EPHA6: variants seen among roughly 807,000 people sequenced by gnomAD.
EPHA6 encodes the protein ephrin type-A receptor 6.
In EPHA6, 50 loss-of-function variants were observed where a neutral mutation model predicts 112.0. That is an observed-to-expected ratio of 0.45 (90% CI 0.36 to 0.56). EPHA6 has a LOEUF of 0.56. Among genes scored for constraint, EPHA6 ranks in the 20% least tolerant of loss-of-function variants. EPHA6 has a pLI of 0.00. For missense variants in EPHA6, 1,280 were observed against 1,417.4 expected, an observed-to-expected ratio of 0.90 and a Z score of 1.56; for synonymous variants, 529 against 490.7, an observed-to-expected ratio of 1.08 and a Z score of -1.03.
intron 2 of EPHA6, among the ~76,000 whole-genome samples, chr3:96,878,510 G>A (rs2037112200): frequency 6.6e-6 from 1 of 151,996 alleles, no homozygotes. Flanking sequence ...TACTGTAATT[G>A]AATGCAGATA....
intron 3 of EPHA6, among the ~76,000 whole-genome samples, chr3:97,188,985 A>G (rs2077229288): frequency 6.6e-6 from 1 of 151,786 alleles, no homozygotes; most frequent in African/African-American, 2.4e-5. Flanking sequence ...CTATTATTAT[A>G]TTTTATAATT....
intron 12 of EPHA6, among the ~76,000 whole-genome samples, chr3:97,597,423 C>T (rs2093604087): frequency 2.0e-5 from 3 of 152,118 alleles, no homozygotes; most frequent in Admixed American, 2.0e-4. Context: ...TTTGCGATTA[C>T]TGAGTATATA....
intron 3 of EPHA6, among the ~76,000 whole-genome samples, chr3:97,033,780 G>T (rs114641025): frequency 1.3e-5 from 2 of 151,854 alleles, no homozygotes; most frequent in Non-Finnish European, 2.9e-5. Flanking sequence ...TTTGATAAGA[G>T]CCCCAAATTA....
At chr3:97,686,080 C>T (rs546662497) in intron 14 of EPHA6, among the ~76,000 whole-genome samples, 2 of 152,160 alleles carry the variant, frequency 1.3e-5, no homozygotes, top group Admixed American at 1.3e-4. Context: ...CTTAAACTCT[C>T]ATTCATTATA....
chr3:97,069,753 T>A (rs978577810), intron 3 of EPHA6, among the ~76,000 whole-genome samples: 1 of 152,160 alleles, frequency 6.6e-6, no homozygotes, highest in African/African-American at 2.4e-5. Flanking sequence ...TTAATAAATA[T>A]GCTTATATTA....
intron 2 of EPHA6, among the ~76,000 whole-genome samples, chr3:96,924,122 T>A (rs765793936): frequency 6.6e-6 from 1 of 152,184 alleles, no homozygotes; most frequent in Non-Finnish European, 1.5e-5. Flanking sequence ...GTTTGGCCAT[T>A]TGGGCTCTTT....
chr3:97,514,056 A>G (rs902833204), intron 10 of EPHA6, among the ~76,000 whole-genome samples: 10 of 152,218 alleles, frequency 6.6e-5, no homozygotes, highest in African/African-American at 2.4e-4. Flanking sequence ...TATGCCATCC[A>G]TGAATTACCA....
chr3:97,347,658 A>G (rs2083598930), intron 5 of EPHA6, among the ~76,000 whole-genome samples: 1 of 152,090 alleles, frequency 6.6e-6, no homozygotes, highest in Admixed American at 6.6e-5. Context: ...CTAATAGATA[A>G]AAGAGCCATA....
intron 5 of EPHA6, among the ~76,000 whole-genome samples, chr3:97,245,759 C>G (rs1474341603): frequency 6.6e-6 from 1 of 151,616 alleles, no homozygotes; most frequent in Non-Finnish European, 1.5e-5. Context: ...GGAGGGAGGA[C>G]TGTGATGATA....
At position 97,510,619 on chromosome 3, in the gene EPHA6, G is replaced by A. The variant is rs111460773; in HGVS notation, c.2201-21739G>A. ...TGGAGCTCTGTTATATGGGGTGTCT[G>A]TTGACACCTCCTGGGAGGTGTATCC... On this transcript the variant is annotated intron_variant, in intron 10 of 17. Transcript: ENST00000389672. Among the ~76,000 whole-genome samples the A allele has an allele frequency of 5.0e-3, 756 of 152,272 alleles. 6 individuals are homozygous for A. The highest frequency in any genetic ancestry group is 0.017 in the African/African-American group (724 of 41,570).
intron 2 of EPHA6, among the ~76,000 whole-genome samples, chr3:96,896,727 G>A (rs2038288741): frequency 1.3e-5 from 2 of 152,116 alleles, no homozygotes; most frequent in Admixed American, 6.5e-5. Context: ...ATCAAAGCAA[G>A]GAATTATGAT....
intron 10 of EPHA6, among the ~76,000 whole-genome samples, chr3:97,500,521 G>A (rs2092092241): frequency 6.6e-6 from 1 of 151,940 alleles, no homozygotes; most frequent in Non-Finnish European, 1.5e-5. Context: ...AGCACCAGGG[G>A]GATAGTGCTA....
chr3:97,249,657 T>C (rs561235082), intron 5 of EPHA6, among the ~76,000 whole-genome samples: 22 of 152,302 alleles, frequency 1.4e-4, no homozygotes, highest in Non-Finnish European at 2.8e-4. Context: ...AATCATATTT[T>C]TTAATAATTT....
chr3:97,618,420 C>T (rs956678089), intron 13 of EPHA6, among the ~76,000 whole-genome samples: 1 of 151,972 alleles, frequency 6.6e-6, no homozygotes, highest in African/African-American at 2.4e-5. Flanking sequence ...TGAGAAATAA[C>T]TAAGATCAGA....
At chr3:97,474,282 T>C (rs1392736829) in intron 7 of EPHA6, among the ~76,000 whole-genome samples, 1 of 151,894 alleles carries the variant, frequency 6.6e-6, no homozygotes, top group Non-Finnish European at 1.5e-5. Context: ...GATCCAATTT[T>C]CTCCAATAGC....
intron 5 of EPHA6, among the ~76,000 whole-genome samples, chr3:97,304,195 C>CA (rs2081214899): frequency 1.3e-5 from 2 of 151,910 alleles, no homozygotes; most frequent in Admixed American, 1.3e-4. Context: ...CAAACAGAGA[C>CA]AGTTTTGACT....
chr3:97,433,085 C>G (rs144804773), intron 6 of EPHA6, among the ~76,000 whole-genome samples: 1 of 152,290 alleles, frequency 6.6e-6, no homozygotes, highest in East Asian at 1.9e-4. Flanking sequence ...AGATATCCTC[C>G]TAAACTCAGT....
intron 3 of EPHA6, among the ~76,000 whole-genome samples, chr3:97,199,484 A>G (rs917504025): frequency 4.6e-5 from 7 of 152,120 alleles, no homozygotes; most frequent in African/African-American, 7.2e-5. Context: ...GTAGTTGCCA[A>G]AGTTCTTCAG....
At chr3:96,885,605 A>T (rs947989826) in intron 2 of EPHA6, among the ~76,000 whole-genome samples, 3 of 150,226 alleles carry the variant, frequency 2.0e-5, no homozygotes, top group African/African-American at 7.4e-5. Flanking sequence ...GGTTATTTGG[A>T]TTTTCTCTCT....
Sources: allele counts gnomAD v4.1 joint callset (sites outside exome capture counted in the v4.1 genomes callset), GRCh38; gene constraint gnomAD v4.1.1; transcripts MANE v1.5; gene names NCBI Gene and HGNC (gene_info 2026-07-23, HGNC 2026-07-21).